TKT: variants seen among roughly 807,000 people sequenced by gnomAD.
TKT encodes the protein epididymis luminal protein 107.
In TKT, 47 loss-of-function variants were observed where a neutral mutation model predicts 63.9. The ratio of observed to expected loss-of-function variants is 0.74; its 90% CI spans 0.58 to 0.94. The LOEUF (loss-of-function observed/expected upper bound fraction) is 0.94, where lower values mean the gene tolerates loss of function less well. TKT is among the 40% of genes least tolerant of loss of function. The pLI is 0.00. For synonymous variants in TKT, 338 were observed against 334.1 expected (o/e 1.01, Z -0.13); for missense variants, 721 against 846.2 (o/e 0.85, Z 1.84).
intron 1 of TKT, among the ~76,000 whole-genome samples, chr3:53,244,200 T>C (rs1383855322): frequency 6.6e-6 from 1 of 152,194 alleles, no homozygotes. Context: ...CTGCGGCCAC[T>C]CTCTTCACTT....
chr3:53,255,244 T>G (rs545188793), intron 1 of TKT, among the ~76,000 whole-genome samples: 319 of 152,100 alleles, frequency 2.1e-3, no homozygotes, highest in African/African-American at 7.4e-3. Flanking sequence ...TAGGGGAGCG[T>G]AGTCTGAGGT....
In TKT at chr3:53,231,554, C is replaced by A. The variant is rs370982974; in HGVS notation, c.749-4G>T. On this transcript the variant is annotated splice_region_variant and splice_polypyrimidine_tract_variant and intron_variant, in intron 6 of 13. Transcript: ENST00000462138. Reference sequence around the variant, plus strand: ...CAAGACTCCTTATCTTCTACCCCTGCAGACCCAACACGGGAGGACAGAGGA... The same window carrying A: ...CAAGACTCCTTATCTTCTACCCCTGAAGACCCAACACGGGAGGACAGAGGA... The A allele has an allele frequency of 1.6e-4, 260 of 1,612,704 alleles. No homozygotes were observed. Among genetic ancestry groups the A allele is most frequent in the South Asian group, 3.0e-4 (27 of 90,842 alleles).
intron 1 of TKT, among the ~76,000 whole-genome samples, chr3:53,251,878 G>A (rs1394065433): frequency 6.6e-6 from 1 of 152,160 alleles, no homozygotes; most frequent in Non-Finnish European, 1.5e-5. Flanking sequence ...GGTGGCTCAC[G>A]CCTATAATCC....
chr3:53,240,399 C>A, intron 3 of TKT, 51 bp from the exon 4 acceptor site: 4 of 1,554,342 alleles, frequency 2.6e-6, no homozygotes, highest in South Asian at 2.3e-5. Flanking sequence ...GGATCCTGGT[C>A]TCACCCGCCT....
At position 53,230,552 on chromosome 3, in the gene TKT, G is replaced by A; in HGVS notation, c.1012C>T (p.Leu338=). 6.2e-7 allele frequency: 1 copy of A among 1,614,240 alleles called. No homozygotes were observed. The highest frequency in any genetic ancestry group is 8.5e-7 in the Non-Finnish European group (1 of 1,180,052). The part of the protein sequence containing the change: ...LGHASDRIIA[L]DGDTKNSTFS... ...GTGGAATTTTTGGTGTCCCCATCCA[G>A]GGCGATGATGCGGTCACTGGCATGG... The change falls in exon 8 of 14, where the codon CTG becomes TTG. Residue 338 remains leucine, a synonymous_variant. Transcript: ENST00000462138.
At chr3:53,242,740 T>G (rs1296575008) in intron 1 of TKT, among the ~76,000 whole-genome samples, 1 of 152,086 alleles carries the variant, frequency 6.6e-6, no homozygotes, top group Non-Finnish European at 1.5e-5. Context: ...ACTGCCCACT[T>G]GTGAAGGGCA....
intron 1 of TKT, among the ~76,000 whole-genome samples, chr3:53,246,222 C>T (rs570463131): frequency 2.0e-5 from 3 of 152,112 alleles, no homozygotes; most frequent in Admixed American, 6.5e-5. Flanking sequence ...GAATCAAGAT[C>T]GTGCCATTGT....
intron 7 of TKT, among the ~76,000 whole-genome samples, chr3:53,231,007 G>T (rs1418437536): frequency 2.0e-5 from 3 of 152,350 alleles, no homozygotes; most frequent in Non-Finnish European, 4.4e-5. Context: ...GGACAGCTCT[G>T]CCTAGCCTTT....
chr3:53,245,287 C>A (rs1415012336), intron 1 of TKT, among the ~76,000 whole-genome samples: 46 of 126,974 alleles, frequency 3.6e-4, no homozygotes, highest in Middle Eastern at 5.0e-3. Flanking sequence ...GCCTTGGCAA[C>A]AAGAGTAACA....
chr3:53,252,610 C>T (rs1705801384), intron 1 of TKT, among the ~76,000 whole-genome samples: 2 of 152,162 alleles, frequency 1.3e-5, no homozygotes, highest in African/African-American at 4.8e-5. Context: ...CTCTCGGACA[C>T]CACAGTATGT....
Position 53,230,477 on chromosome 3 carries a change from A to T in TKT, c.1087T>A (p.Tyr363Asn), listed in dbSNP as rs782542644. Residue 363 changes from tyrosine (Y) to asparagine (N), a missense_variant, in exon 8 of 14, where the codon TAC (tyrosine) becomes AAC (asparagine). Transcript: ENST00000462138. ...CCTACCATGTTCTGCTCAGCAATGTAGCACTCGATGAAGCGGTCCGGGTGC... is the reference window on the plus strand; with the variant it reads ...CCTACCATGTTCTGCTCAGCAATGTTGCACTCGATGAAGCGGTCCGGGTGC... Reference protein sequence around the residue: ...KEHPDRFIECYIAEQNMVSIA... With the variant: ...KEHPDRFIECNIAEQNMVSIA... The T allele has an allele frequency of 6.2e-7, 1 of 1,614,198 alleles. No homozygotes were observed. Among genetic ancestry groups the T allele is most frequent in the East Asian group, 2.2e-5 (1 of 44,882 alleles).
chr3:53,234,354 C>T lies in TKT; in HGVS notation c.629+629G>A, dbSNP rs115753862. 714 of 152,688 alleles carry T rather than the reference C, an allele frequency of 4.7e-3. 8 individuals carry two copies. The highest frequency in any genetic ancestry group is 0.016 in the African/African-American group (671 of 41,580). 9.5% of individuals were successfully genotyped at this position (152,688 alleles called of 1,614,324 possible). A position where few individuals can be genotyped will look rare whatever the true frequency, so the allele number is the denominator to read the frequency against. ...TTGCACGGCACCTGCCCTGCTCCCT[C>T]CCCTCCACAGCCTCCTCAGCCAATG... is the stretch of plus-strand genomic sequence containing the variant. On this transcript the variant is annotated intron_variant, in intron 5 of 13. Transcript: ENST00000462138.
At chr3:53,231,765 T>G (rs1704773053) in intron 6 of TKT, 2 of 561,480 alleles carry the variant, frequency 3.6e-6, no homozygotes, top group East Asian at 5.9e-5. Flanking sequence ...CACTGTCTAC[T>G]GCCTGGTCCT....
chr3:53,244,651 G>A (rs1455385431), intron 1 of TKT, among the ~76,000 whole-genome samples: 1 of 152,044 alleles, frequency 6.6e-6, no homozygotes, highest in African/African-American at 2.4e-5. Flanking sequence ...GCGGGCCTTT[G>A]GGGCCAAAGG....
At chr3:53,253,730 C>G (rs1479274766) in intron 1 of TKT, among the ~76,000 whole-genome samples, 1 of 152,288 alleles carries the variant, frequency 6.6e-6, no homozygotes, top group South Asian at 2.1e-4. Context: ...TGCTGCTGCA[C>G]TCTAGCCTGG....
At chr3:53,235,313 T>C in intron 4 of TKT, 139 bp from the exon 5 acceptor site, 1 of 703,770 alleles carries the variant, frequency 1.4e-6, no homozygotes, top group South Asian at 2.4e-5. Context: ...GCATTTACAC[T>C]CGAGGGGCAA....
chr3:53,239,150 T>C (rs1705163195), intron 4 of TKT, among the ~76,000 whole-genome samples: 1 of 152,094 alleles, frequency 6.6e-6, no homozygotes, highest in Non-Finnish European at 1.5e-5. Context: ...CCACATAAGA[T>C]GTGACTTGTT....
chr3:53,248,209 G>A (rs1014812784), intron 1 of TKT, among the ~76,000 whole-genome samples: 18 of 152,338 alleles, frequency 1.2e-4, no homozygotes, highest in Admixed American at 4.6e-4. Flanking sequence ...GGCCACTAAG[G>A]TTCACAGAAA....
chr3:53,232,951 C>G (rs1044566772), intron 6 of TKT: 1 of 550,314 alleles, frequency 1.8e-6, no homozygotes, highest in Non-Finnish European at 3.2e-6. Flanking sequence ...ATGCCCCCAC[C>G]GGCAGAGGCC....
Sources: allele counts gnomAD v4.1 joint callset (sites outside exome capture counted in the v4.1 genomes callset), GRCh38; gene constraint gnomAD v4.1.1; transcripts MANE v1.5; gene names NCBI Gene and HGNC (gene_info 2026-07-23, HGNC 2026-07-21).